Variants in ZBTB34 observed in about 807,000 individuals in gnomAD.
ZBTB34 encodes zinc finger and BTB domain-containing protein 34.
A neutral mutation model predicts 33.4 loss-of-function variants in ZBTB34; 1 was observed. The observed-to-expected ratio is 0.03, with a 90% CI of 0.01 to 0.14. The LOEUF is 0.14. Among genes scored for constraint, ZBTB34 ranks in the 10% least tolerant of loss-of-function variants. The pLI is 1.00. For missense variants in ZBTB34, 406 were observed against 657.2 expected, an observed-to-expected ratio of 0.62 and a Z score of 4.18; for synonymous variants, 283 against 253.5, an observed-to-expected ratio of 1.12 and a Z score of -1.11.
At chr9:126,876,173 TCCCCCCTTTCCCCCTTCCCTCCTTTC>T (rs1564224312) in intron 1 of ZBTB34, among the ~76,000 whole-genome samples, 7 of 1,548 alleles carry the variant, frequency 4.5e-3, no homozygotes, top group Admixed American at 0.01. Context: ...CTTCCCCCCT[TCCCCCCTTTCCCCCTTCCCTCCTTTC>T]CCCCCCTTTC....
intron 1 of ZBTB34, among the ~76,000 whole-genome samples, chr9:126,863,372 G>A (rs1404732248): frequency 1.3e-5 from 2 of 152,190 alleles, no homozygotes; most frequent in Non-Finnish European, 2.9e-5. Context: ...ATTTATCAAG[G>A]TGGAGAAATG....
chr9:126,880,335 C>G lies in ZBTB34; in HGVS notation c.936C>G (p.Ser312=). The change falls in exon 2 of 2, where the codon TCC becomes TCG. Residue 312 remains serine (S), a synonymous_variant. Transcript: ENST00000319119. This position sits in a 1 kb window ranked among gnomAD's most constrained non-coding sequence, Gnocchi z 6.7. Reference sequence around the variant, plus strand: ...GAAGTTTGAGTAATTCCAGCCCATCCAGGTCCATGCTGAGCTGTTTCCGAG... The same window carrying G: ...GAAGTTTGAGTAATTCCAGCCCATCGAGGTCCATGCTGAGCTGTTTCCGAG... The G allele has an allele frequency of 6.2e-7, 1 of 1,613,960 alleles. No individual in the cohort carries two copies. The highest frequency in any genetic ancestry group is 1.3e-5 in the African/African-American group (1 of 75,064).
intron 1 of ZBTB34, among the ~76,000 whole-genome samples, chr9:126,875,815 A>C (rs1588389766): frequency 2.0e-5 from 3 of 152,166 alleles, no homozygotes; most frequent in Non-Finnish European, 2.9e-5. Flanking sequence ...GTTCTGAAAT[A>C]ATGTTAAGTG....
rs572590206 is a variant in ZBTB34 at position 126,862,468 on chromosome 9, C to G, written c.-11+1729C>G. ...CCGCCCACCCTGTCTTTTCAAGACT[C>G]TCCGTGGTTTGGCCCCACCCCACCT... On this transcript the variant is annotated intron_variant, in intron 1 of 1. Transcript: ENST00000319119. Among the ~76,000 whole-genome samples the G allele has an allele frequency of 2.0e-5, 3 of 152,266 alleles. No individual in the cohort carries two copies. In the East Asian group the frequency reaches 5.8e-4, roughly 29 times the overall value.
intron 1 of ZBTB34, among the ~76,000 whole-genome samples, chr9:126,872,925 T>G (rs1394217880): frequency 1.3e-5 from 2 of 152,198 alleles, no homozygotes; most frequent in Non-Finnish European, 2.9e-5. Context: ...TCAGTGATTA[T>G]CTTTCAAGTG....
intron 1 of ZBTB34, among the ~76,000 whole-genome samples, chr9:126,877,388 A>T (rs1588390628): frequency 6.6e-6 from 1 of 152,204 alleles, no homozygotes; most frequent in South Asian, 2.1e-4. Context: ...CTAAACCCAG[A>T]TTTTACGTGT....
At chr9:126,864,122 C>T (rs181122626) in intron 1 of ZBTB34, among the ~76,000 whole-genome samples, 395 of 152,278 alleles carry the variant, frequency 2.6e-3, no homozygotes, top group Non-Finnish European at 4.5e-3. Flanking sequence ...CTGCATCTCA[C>T]CAGTATGCCT....
At chr9:126,868,363 C>T (rs1054994986) in intron 1 of ZBTB34, among the ~76,000 whole-genome samples, 2 of 152,148 alleles carry the variant, frequency 1.3e-5, no homozygotes, top group African/African-American at 4.8e-5. Context: ...GCATCCATGC[C>T]TGCTTATTTC....
intron 1 of ZBTB34, among the ~76,000 whole-genome samples, chr9:126,868,852 C>T (rs537515381): frequency 8.2e-4 from 125 of 152,190 alleles, no homozygotes; most frequent in African/African-American, 2.9e-3. Flanking sequence ...TTGAGGCTTT[C>T]GCATGTAAAG....
intron 1 of ZBTB34, among the ~76,000 whole-genome samples, chr9:126,867,234 C>A (rs904226574): frequency 3.3e-5 from 5 of 151,624 alleles, no homozygotes; most frequent in African/African-American, 7.3e-5. Context: ...TAATTCCTCC[C>A]CGTTACTTGT....
chr9:126,862,052 T>C (rs936588104), intron 1 of ZBTB34, among the ~76,000 whole-genome samples: 6 of 152,172 alleles, frequency 3.9e-5, no homozygotes, highest in African/African-American at 1.4e-4. Flanking sequence ...GTAATTTTGA[T>C]GAGACAAGGC....
At chr9:126,869,184 T>C (rs149179631) in intron 1 of ZBTB34, among the ~76,000 whole-genome samples, 19 of 150,848 alleles carry the variant, frequency 1.3e-4, no homozygotes, top group African/African-American at 4.6e-4. Flanking sequence ...GGAGGATGTT[T>C]GCCCACCCCC....
chr9:126,870,858 C>T (rs185874764), intron 1 of ZBTB34, among the ~76,000 whole-genome samples: 245 of 151,728 alleles, frequency 1.6e-3, no homozygotes, highest in Middle Eastern at 3.4e-3. Flanking sequence ...GCCTGGGAGG[C>T]GGAGGTTGCC....
chr9:126,863,429 G>C (rs77749129), intron 1 of ZBTB34, among the ~76,000 whole-genome samples: 1,968 of 152,238 alleles, frequency 0.013, 55 homozygotes, highest in East Asian at 0.1. Context: ...TTTCTGCACC[G>C]CTGTGTCCCC....
exon 2 of ZBTB34, chr9:126,881,928 A>G (rs771632471): frequency 3.6e-5 from 6 of 166,902 alleles, no homozygotes; most frequent in Non-Finnish European, 7.3e-5. Flanking sequence ...TTCTGTCTAC[A>G]AAATTCTCCA....
At chr9:126,884,294 GTTATT>G (rs1194705752) in exon 2 of ZBTB34, 1 of 166,974 alleles carries the variant, frequency 6.0e-6, no homozygotes, top group African/African-American at 2.4e-5. Context: ...GTTTTAAACA[GTTATT>G]TTCATTCTAA....
exon 2 of ZBTB34, chr9:126,881,495 A>G (rs1031717231): frequency 2.4e-5 from 4 of 166,822 alleles, no homozygotes; most frequent in Non-Finnish European, 4.4e-5. Context: ...TTCTGAGTCT[A>G]TCTCATCCCT....
At chr9:126,870,989 A>G (rs1662812929) in intron 1 of ZBTB34, among the ~76,000 whole-genome samples, 1 of 152,088 alleles carries the variant, frequency 6.6e-6, no homozygotes, top group Non-Finnish European at 1.5e-5. Flanking sequence ...GTTTGGCTGA[A>G]AAAGTGAAAG....
chr9:126,867,917 G>A (rs371701592), intron 1 of ZBTB34, among the ~76,000 whole-genome samples: 1 of 152,100 alleles, frequency 6.6e-6, no homozygotes, highest in African/African-American at 2.4e-5. Context: ...AAGGAGCTGT[G>A]TTTGCCATTG....
Sources: gnomAD v4.1 joint callset for allele counts (sites outside exome capture counted in the v4.1 genomes callset) on GRCh38, gnomAD v4.1.1 for gene constraint, Gnocchi (gnomAD v3.1) non-coding constraint, MANE v1.5 for transcripts, NCBI Gene and HGNC (gene_info 2026-07-23, HGNC 2026-07-21) for gene names.